TGFBR3: variants seen among roughly 807,000 people sequenced by gnomAD.
TGFBR3 encodes the protein transforming growth factor beta receptor 3.
In TGFBR3, 46 loss-of-function variants were observed where a neutral mutation model predicts 87.9. The observed-to-expected ratio is 0.52, with a 90% CI of 0.41 to 0.67. TGFBR3 has a LOEUF of 0.67. TGFBR3 is among the 30% of genes least tolerant of loss of function. The pLI, the probability that TGFBR3 is intolerant of heterozygous loss-of-function variation, is 0.00. For synonymous variants in TGFBR3, 381 were observed against 391.6 expected (o/e 0.97, Z 0.32); for missense variants, 866 against 1,041.9 (o/e 0.83, Z 2.32).
chr1:91,834,387 C>T (rs949900687), intron 2 of TGFBR3, among the ~76,000 whole-genome samples: 3 of 152,202 alleles, frequency 2.0e-5, no homozygotes, highest in Non-Finnish European at 2.9e-5. Context: ...ATCTCATTTC[C>T]TATCCTCTGA....
At chr1:91,708,285 T>C (rs1160599753) in intron 14 of TGFBR3, among the ~76,000 whole-genome samples, 1 of 152,200 alleles carries the variant, frequency 6.6e-6, no homozygotes, top group African/African-American at 2.4e-5. Context: ...CAGCATAAAC[T>C]TTAGCAGTAG....
intron 2 of TGFBR3, among the ~76,000 whole-genome samples, chr1:91,820,197 G>A (rs1676390362): frequency 6.6e-6 from 1 of 152,126 alleles, no homozygotes; most frequent in Non-Finnish European, 1.5e-5. Flanking sequence ...TCTCAGCCAG[G>A]TTTGGGACAG....
chr1:91,737,346 T>C (rs1489353720), intron 4 of TGFBR3, among the ~76,000 whole-genome samples: 4 of 152,136 alleles, frequency 2.6e-5, no homozygotes, highest in Non-Finnish European at 5.9e-5. Flanking sequence ...GAAGGTGTTG[T>C]TTTAGAAGGT....
chr1:91,807,945 A>G (rs1675895325), intron 2 of TGFBR3, among the ~76,000 whole-genome samples: 1 of 152,258 alleles, frequency 6.6e-6, no homozygotes, highest in Admixed American at 6.5e-5. Context: ...AAATACTATT[A>G]GAGACATAAA....
At chr1:91,734,053 A>AGAGGGAGAGAGGGAGAGAGG (rs143012128) in intron 5 of TGFBR3, among the ~76,000 whole-genome samples, 1 of 48,596 alleles carries the variant, frequency 2.1e-5, no homozygotes, top group South Asian at 1.4e-3. Flanking sequence ...AGGGAGGGAG[A>AGAGGGAGAGAGGGAGAGAGG]GAGGGAGGGA....
chr1:91,705,778 G>A (rs1303422840), intron 14 of TGFBR3, among the ~76,000 whole-genome samples: 1 of 152,148 alleles, frequency 6.6e-6, no homozygotes, highest in Non-Finnish European at 1.5e-5. Flanking sequence ...ACAAACCTAA[G>A]TAATAAACTT....
chr1:91,698,065 C>A, intron 15 of TGFBR3, 24 bp downstream of exon 15: 6 of 1,612,194 alleles, frequency 3.7e-6, no homozygotes, highest in South Asian at 1.1e-5. Context: ...GGTTTTATTT[C>A]GAAATAGTTG....
At chr1:91,719,790 G>C (rs565655736) in intron 9 of TGFBR3, 103 bp downstream of exon 9, 22 of 1,304,278 alleles carry the variant, frequency 1.7e-5, no homozygotes, top group Non-Finnish European at 2.3e-5. Flanking sequence ...TCAAGCCTCC[G>C]GAGTTCAAAA....
At chr1:91,886,779 C>T (rs1414671529), upstream of TGFBR3, among the ~76,000 whole-genome samples, 2 of 152,108 alleles carry the variant, frequency 1.3e-5, no homozygotes, top group African/African-American at 4.8e-5. Context: ...GCTGAGACTG[C>T]ATTACCCAGC....
chr1:91,698,212 T>G, intron 14 of TGFBR3, 82 bp from the exon 15 acceptor site: 1 of 1,186,648 alleles, frequency 8.4e-7, no homozygotes, highest in East Asian at 2.3e-5. Context: ...CAGCAGAAAC[T>G]GACACTTTTC....
intron 3 of TGFBR3, among the ~76,000 whole-genome samples, chr1:91,795,980 C>A (rs1042529280): frequency 2.0e-5 from 3 of 152,114 alleles, no homozygotes; most frequent in African/African-American, 7.2e-5. Flanking sequence ...TTCCTACCAC[C>A]CCAAAAGGAT....
intron 3 of TGFBR3, among the ~76,000 whole-genome samples, chr1:91,790,316 C>T (rs1008533767): frequency 2.0e-5 from 3 of 152,150 alleles, no homozygotes; most frequent in African/African-American, 7.2e-5. Flanking sequence ...CATTTGTAGC[C>T]TAGTAGCCAT....
At chr1:91,715,842 G>A (rs1003575816) in intron 12 of TGFBR3, among the ~76,000 whole-genome samples, 1 of 150,072 alleles carries the variant, frequency 6.7e-6, no homozygotes, top group Non-Finnish European at 1.5e-5. Context: ...GGGGCTAAGG[G>A]GACTGTGCAG....
At chr1:91,816,448 G>A (rs749746988) in intron 2 of TGFBR3, among the ~76,000 whole-genome samples, 17 of 151,830 alleles carry the variant, frequency 1.1e-4, no homozygotes, top group Non-Finnish European at 1.8e-4. Flanking sequence ...CCACTCCTGC[G>A]TTCTCAACTG....
chr1:91,760,772 GCA>G (rs919918396), intron 3 of TGFBR3, among the ~76,000 whole-genome samples: 2 of 152,276 alleles, frequency 1.3e-5, no homozygotes, highest in South Asian at 2.1e-4. Context: ...CTACCTCACA[GCA>G]CACTTTGGAG....
intron 2 of TGFBR3, among the ~76,000 whole-genome samples, chr1:91,860,342 T>A (rs1196756517): frequency 6.6e-6 from 1 of 152,250 alleles, no homozygotes; most frequent in Non-Finnish European, 1.5e-5. Flanking sequence ...CTCATCTGTA[T>A]GTGCAATTCA....
At chr1:91,775,072 T>A (rs2100944529) in intron 3 of TGFBR3, among the ~76,000 whole-genome samples, 1 of 152,344 alleles carries the variant, frequency 6.6e-6, no homozygotes, top group Non-Finnish European at 1.5e-5. Flanking sequence ...TAGCTGGTTA[T>A]GGCATGGTTG....
intron 2 of TGFBR3, among the ~76,000 whole-genome samples, chr1:91,895,979 C>A (rs1190291704): frequency 2.0e-5 from 3 of 152,172 alleles, no homozygotes; most frequent in Admixed American, 1.3e-4. Flanking sequence ...TCCATTGCTG[C>A]TACAACCCTG....
intron 3 of TGFBR3, among the ~76,000 whole-genome samples, chr1:91,787,824 C>A (rs1431299930): frequency 6.6e-6 from 1 of 151,476 alleles, no homozygotes; most frequent in African/African-American, 2.4e-5. Flanking sequence ...TGGTGGTGTG[C>A]GCCTATAGTC....
Sources: allele counts gnomAD v4.1 joint callset (sites outside exome capture counted in the v4.1 genomes callset), GRCh38; gene constraint gnomAD v4.1.1; transcripts MANE v1.5; gene names NCBI Gene and HGNC (gene_info 2026-07-23, HGNC 2026-07-21).